The following CACNA2D3 variants were observed in gnomAD, a reference collection of about 807,000 sequenced individuals.
CACNA2D3 encodes calcium voltage-gated channel auxiliary subunit alpha2delta 3, also known as voltage-dependent calcium channel subunit alpha-2/delta-3.
A neutral mutation model predicts 160.6 loss-of-function variants in CACNA2D3; 60 were observed. The ratio of observed to expected loss-of-function variants is 0.37; its 90% CI spans 0.30 to 0.46. The LOEUF (loss-of-function observed/expected upper bound fraction) is 0.46. Ranked by LOEUF, CACNA2D3 falls within the 20% of genes least tolerant of loss-of-function variation. CACNA2D3 has a pLI of 1.00. For synonymous variants in CACNA2D3, 558 were observed against 492.9 expected (o/e 1.13, Z -1.75); for missense variants, 1,205 against 1,365.0 (o/e 0.88, Z 1.85).
intron 5 of CACNA2D3, among the ~76,000 whole-genome samples, chr3:54,533,233 A>T (rs376571079): frequency 6.6e-6 from 1 of 151,494 alleles, no homozygotes; most frequent in Non-Finnish European, 1.5e-5. Context: ...TGGTGGAATG[A>T]TGCAGTCCGT....
chr3:54,851,644 C>G (rs1699060571), intron 17 of CACNA2D3, among the ~76,000 whole-genome samples: 1 of 152,070 alleles, frequency 6.6e-6, no homozygotes, highest in South Asian at 2.1e-4. Flanking sequence ...TTAACACTGT[C>G]CAGTAGGAAT....
chr3:54,644,583 A>G (rs543756696), intron 11 of CACNA2D3, among the ~76,000 whole-genome samples: 1 of 152,340 alleles, frequency 6.6e-6, no homozygotes, highest in East Asian at 1.9e-4. Flanking sequence ...GAGTTGTGCC[A>G]TGTTGTAATT....
intron 5 of CACNA2D3, among the ~76,000 whole-genome samples, chr3:54,510,818 C>T (rs1315827249): frequency 6.6e-6 from 1 of 152,146 alleles, no homozygotes; most frequent in Non-Finnish European, 1.5e-5. Flanking sequence ...CAGCAGAACA[C>T]CTGGCACACG....
intron 2 of CACNA2D3, among the ~76,000 whole-genome samples, chr3:54,262,551 A>G (rs1575351988): frequency 6.6e-6 from 1 of 152,166 alleles, no homozygotes; most frequent in East Asian, 1.9e-4. Flanking sequence ...TCAGGCTTTC[A>G]AAAGAGATAC....
chr3:55,014,063 C>T (rs1178347910), intron 34 of CACNA2D3, among the ~76,000 whole-genome samples: 1 of 152,166 alleles, frequency 6.6e-6, no homozygotes, highest in African/African-American at 2.4e-5. Context: ...CCCCATCACT[C>T]ACTGCAGTGT....
intron 13 of CACNA2D3, among the ~76,000 whole-genome samples, chr3:54,794,231 T>A (rs925536316): frequency 1.2e-4 from 19 of 152,190 alleles, no homozygotes; most frequent in Admixed American, 1.2e-3. Flanking sequence ...TAGCTACACC[T>A]CTTAGTTGTT....
intron 2 of CACNA2D3, among the ~76,000 whole-genome samples, chr3:54,194,918 AGT>A (rs1442585598): frequency 2.6e-5 from 4 of 152,200 alleles, no homozygotes; most frequent in African/African-American, 9.6e-5. Context: ...TTTAGACCAT[AGT>A]AGGGCCCTCA....
intron 2 of CACNA2D3, among the ~76,000 whole-genome samples, chr3:54,212,307 G>T (rs542926672): frequency 1.3e-5 from 2 of 152,298 alleles, no homozygotes; most frequent in Non-Finnish European, 2.9e-5. Flanking sequence ...ATCTGGAAGG[G>T]CAAGACAACT....
intron 35 of CACNA2D3, among the ~76,000 whole-genome samples, chr3:55,040,451 T>C (rs1388147522): frequency 6.6e-6 from 1 of 152,192 alleles, no homozygotes; most frequent in Non-Finnish European, 1.5e-5. Flanking sequence ...TCAGTATTGT[T>C]TAAGAATTCT....
In CACNA2D3 at chr3:54,227,296, GCCC is replaced by G. The variant is rs544706651; in HGVS notation, c.205-93144_205-93142del. The stretch of plus-strand genomic sequence containing the variant: ...GCACCGGGATTTTGCTATGTGCTAG[GCCC>G]CTTTTTGTGCGCTTCCTGGGGATAA... On this transcript the variant is annotated intron_variant, in intron 2 of 37. Transcript: ENST00000474759. 5.3e-5 allele frequency among the ~76,000 whole-genome samples: 8 copies of G among 152,148 alleles called. No individual in the cohort carries two copies. The South Asian group carries it at 1.7e-3, about 32-fold the overall frequency.
chr3:54,607,075 G>C (rs1050734350), intron 9 of CACNA2D3, among the ~76,000 whole-genome samples: 1 of 152,122 alleles, frequency 6.6e-6, no homozygotes, highest in Non-Finnish European at 1.5e-5. Context: ...GCAGTAAGTG[G>C]ACAAAAACCC....
intron 11 of CACNA2D3, among the ~76,000 whole-genome samples, chr3:54,704,698 C>T (rs192955979): frequency 1.1e-4 from 17 of 152,260 alleles, no homozygotes; most frequent in Non-Finnish European, 8.8e-5. Context: ...TATTAATATA[C>T]CCCATCTAAC....
chr3:54,576,869 A>G (rs1702591789), intron 8 of CACNA2D3, among the ~76,000 whole-genome samples: 1 of 152,088 alleles, frequency 6.6e-6, no homozygotes, highest in Non-Finnish European at 1.5e-5. Context: ...CCTTGTTGCT[A>G]CAAATAATAA....
At chr3:54,695,315 GC>G (rs1700644786) in intron 11 of CACNA2D3, among the ~76,000 whole-genome samples, 1 of 151,934 alleles carries the variant, frequency 6.6e-6, no homozygotes, top group African/African-American at 2.4e-5. Flanking sequence ...ACCACACCTG[GC>G]TGAAAATATT....
At chr3:54,552,738 T>C (rs1702178900) in intron 5 of CACNA2D3, among the ~76,000 whole-genome samples, 1 of 152,198 alleles carries the variant, frequency 6.6e-6, no homozygotes, top group Non-Finnish European at 1.5e-5. Context: ...TACAATTTTC[T>C]TCTTAATGTC....
At position 54,885,344 on chromosome 3, in the gene CACNA2D3, C is replaced by T. The variant is rs926289778; in HGVS notation, c.1958+18C>T. 2.5e-6 allele frequency: 4 copies of T among 1,613,594 alleles called. No individual in the cohort carries two copies. Among genetic ancestry groups the T allele is most frequent in the South Asian group, 1.1e-5 (1 of 91,072 alleles). Reference sequence around the variant, plus strand: ...GATGAATGGTAAGAATTAAACCATCCCTCCTTGACCATGGCATCCTTCATT... The same window carrying T: ...GATGAATGGTAAGAATTAAACCATCTCTCCTTGACCATGGCATCCTTCATT... On this transcript the variant is annotated intron_variant, in intron 22 of 37. Transcript: ENST00000474759.
chr3:54,214,221 G>C (rs1701424736), intron 2 of CACNA2D3, among the ~76,000 whole-genome samples: 1 of 152,142 alleles, frequency 6.6e-6, no homozygotes, highest in South Asian at 2.1e-4. Flanking sequence ...AAAAAGAAAA[G>C]AGTAAGCTCA....
Position 54,626,401 on chromosome 3 carries a change from A to G in CACNA2D3, c.964-1386A>G. Reference sequence around the variant, plus strand: ...CCTGCTGAAGTGCCTGCGCAAGGCCAAGAAGGAGGCGCTGCCCATGGAGAA... The same window carrying G: ...CCTGCTGAAGTGCCTGCGCAAGGCCGAGAAGGAGGCGCTGCCCATGGAGAA... On this transcript the variant is annotated intron_variant, in intron 9 of 37. Transcript: ENST00000474759. 4 of 1,575,642 alleles carry G rather than the reference A, an allele frequency of 2.5e-6. No individual in the cohort carries two copies. The South Asian group carries it at 3.5e-5, about 14-fold the overall frequency.
At chr3:54,598,932 C>T (rs973456510) in intron 9 of CACNA2D3, among the ~76,000 whole-genome samples, 12 of 152,246 alleles carry the variant, frequency 7.9e-5, no homozygotes, top group African/African-American at 2.9e-4. Flanking sequence ...TCTGGGTTTT[C>T]GTGGCCAGCA....
Sources: gnomAD v4.1 joint callset for allele counts (sites outside exome capture counted in the v4.1 genomes callset) on GRCh38, gnomAD v4.1.1 for gene constraint, MANE v1.5 for transcripts, NCBI Gene and HGNC (gene_info 2026-07-23, HGNC 2026-07-21) for gene names.